HDAC4: variants seen among roughly 807,000 people sequenced by gnomAD.
The protein encoded by HDAC4 is histone deacetylase A.
A neutral mutation model predicts 135.1 loss-of-function variants in HDAC4; 16 were observed. That is an observed-to-expected ratio of 0.12 (90% CI 0.08 to 0.18). The LOEUF (loss-of-function observed/expected upper bound fraction) is 0.18, where lower values mean the gene tolerates loss of function less well. HDAC4 is among the 10% of genes least tolerant of loss of function. The probability of loss-of-function intolerance (pLI) is 1.00; values close to 1 mark genes in which losing one functional copy is unlikely to be tolerated. For missense variants in HDAC4, 1,143 were observed against 1,511.8 expected, an observed-to-expected ratio of 0.76 and a Z score of 4.05; for synonymous variants, 685 against 653.4, an observed-to-expected ratio of 1.05 and a Z score of -0.74.
chr2:239,139,271 C>CT lies in HDAC4; in HGVS notation c.978+412dup, dbSNP rs2041184430. Among the ~76,000 whole-genome samples, 1 of 152,210 alleles carries CT rather than the reference C, an allele frequency of 6.6e-6. No individual in the cohort carries two copies. The highest frequency in any genetic ancestry group is 6.5e-5 in the Admixed American group (1 of 15,284). On this transcript the variant is annotated intron_variant, in intron 9 of 26. Transcript: ENST00000543185. This position sits in a 1 kb window ranked among gnomAD's most constrained non-coding sequence, Gnocchi z 5.3. Reference sequence around the variant, plus strand: ...AAAAATGTTAAGTCTCACTTAGCAACTATACCCACGTGCCCACGGCCTCTC... The same window carrying CT: ...AAAAATGTTAAGTCTCACTTAGCAACTTATACCCACGTGCCCACGGCCTCTC...
rs1329463653 is a variant in HDAC4 at position 239,066,779 on chromosome 2, G to T, written c.2946C>A (p.Asp982Glu). Residue 982 changes from aspartate to glutamate, a missense_variant, in exon 24 of 27, where the codon GAC becomes GAA. Asp to Glu is a conservative substitution (Grantham distance 45, BLOSUM62 2). Coordinates refer to ENST00000543185, the MANE Select transcript of HDAC4 (RefSeq NM_001378414.1). ...RIVLALEGGH[D>E]LTAICDASEA... The stretch of plus-strand genomic sequence containing the variant: ...CCGAGGCGTCGCAAATGGCGGTCAG[G>T]TCGTGGCCTCCCTCGAGGGCCAGGA... The T allele has an allele frequency of 6.2e-7, 1 of 1,613,882 alleles. No homozygotes were observed. Among genetic ancestry groups the T allele is most frequent in the Admixed American group, 1.7e-5 (1 of 60,032 alleles).
chr2:239,098,539 G>A (rs2037324508), intron 16 of HDAC4, among the ~76,000 whole-genome samples: 1 of 152,266 alleles, frequency 6.6e-6, no homozygotes. Flanking sequence ...GCTGACATGA[G>A]CAGATGAGCC....
At chr2:239,178,545 G>C (rs1034806410) in intron 4 of HDAC4, among the ~76,000 whole-genome samples, 1 of 152,142 alleles carries the variant, frequency 6.6e-6, no homozygotes, top group Non-Finnish European at 1.5e-5. Context: ...ACTGCACCCA[G>C]ATACGTTTTC....
chr2:239,145,613 C>T (rs1575181488), intron 7 of HDAC4, among the ~76,000 whole-genome samples: 1 of 152,344 alleles, frequency 6.6e-6, no homozygotes, highest in East Asian at 1.9e-4. Flanking sequence ...AAGAATACCG[C>T]CACGGAGACG....
At chr2:239,330,810 T>C (rs1418276457) in intron 2 of HDAC4, among the ~76,000 whole-genome samples, 2 of 152,248 alleles carry the variant, frequency 1.3e-5, no homozygotes, top group Non-Finnish European at 2.9e-5. Flanking sequence ...TGAGCAATTA[T>C]ACTGAATAAA....
At chr2:239,327,888 CTGGACAGTCTT>C (rs148159948) in intron 2 of HDAC4, among the ~76,000 whole-genome samples, 2,969 of 152,346 alleles carry the variant, frequency 0.019, 95 homozygotes, top group African/African-American at 0.068. Flanking sequence ...TGGACAGTCT[CTGGACAGTCTT>C]CCTTCCCATG....
intron 18 of HDAC4, 54 bp downstream of exon 18, chr2:239,089,955 G>T: frequency 1.5e-6 from 2 of 1,330,482 alleles, no homozygotes; most frequent in Non-Finnish European, 2.2e-6. Flanking sequence ...TCCCCACACT[G>T]GGAATCTATG....
At chr2:239,380,315 A>G (rs1218766028) in intron 1 of HDAC4, among the ~76,000 whole-genome samples, 1 of 149,602 alleles carries the variant, frequency 6.7e-6, no homozygotes, top group African/African-American at 2.5e-5. Context: ...TAATTCATGT[A>G]TTTAATGTAC....
At chr2:239,087,981 G>A (rs769761375) in intron 18 of HDAC4, among the ~76,000 whole-genome samples, 2 of 152,170 alleles carry the variant, frequency 1.3e-5, no homozygotes, top group Non-Finnish European at 2.9e-5. Context: ...ACCAGGACCC[G>A]CTAGGTGGCC....
intron 2 of HDAC4, among the ~76,000 whole-genome samples, chr2:239,254,200 C>T (rs553834028): frequency 1.3e-5 from 2 of 152,256 alleles, no homozygotes; most frequent in South Asian, 4.2e-4. Flanking sequence ...CTTAGGGCTA[C>T]ACCCACAATC....
At chr2:239,108,749 A>G (rs1057271014) in intron 14 of HDAC4, among the ~76,000 whole-genome samples, 9 of 152,238 alleles carry the variant, frequency 5.9e-5, no homozygotes, top group African/African-American at 2.2e-4. Context: ...CATATGCTAG[A>G]AAACACACGC....
intron 1 of HDAC4, among the ~76,000 whole-genome samples, chr2:239,358,950 T>C (rs1365982560): frequency 6.6e-6 from 1 of 152,234 alleles, no homozygotes; most frequent in Non-Finnish European, 1.5e-5. Context: ...AGTGCATTTG[T>C]AAGAGAGTTA....
intron 12 of HDAC4, among the ~76,000 whole-genome samples, chr2:239,116,992 C>A (rs908693347): frequency 6.6e-6 from 1 of 152,220 alleles, no homozygotes; most frequent in Non-Finnish European, 1.5e-5. Context: ...ATCTTTCCTG[C>A]AGTCTGCAGT....
At chr2:239,112,405 C>T (rs927766657) in intron 13 of HDAC4, among the ~76,000 whole-genome samples, 1 of 152,222 alleles carries the variant, frequency 6.6e-6, no homozygotes, top group African/African-American at 2.4e-5. Context: ...CGCTCCCCTC[C>T]CTGGTCTCAC....
At chr2:239,142,273 G>A (rs549694286) in intron 8 of HDAC4, among the ~76,000 whole-genome samples, 9 of 152,110 alleles carry the variant, frequency 5.9e-5, no homozygotes, top group Non-Finnish European at 1.2e-4. Flanking sequence ...TGCCTCCACC[G>A]CTCCATATGG....
At chr2:239,259,797 T>G (rs1305336971) in intron 2 of HDAC4, among the ~76,000 whole-genome samples, 1 of 152,224 alleles carries the variant, frequency 6.6e-6, no homozygotes, top group Admixed American at 6.5e-5. Flanking sequence ...GAGTTTCTTC[T>G]CAGCCCAGAG....
chr2:239,210,602 C>T (rs1413405237), intron 3 of HDAC4, among the ~76,000 whole-genome samples: 1 of 152,170 alleles, frequency 6.6e-6, no homozygotes, highest in Non-Finnish European at 1.5e-5. Context: ...CCTGCTTAAA[C>T]CAGCACAGGG....
Position 239,400,640 on chromosome 2 carries a change from G to A in HDAC4, c.-220+338C>T, listed in dbSNP as rs1377522287. The A allele has an allele frequency of 1.4e-5, 2 of 146,954 alleles. No homozygotes were observed. The highest frequency in any genetic ancestry group is 1.8e-4 in the South Asian group (1 of 5,432). The allele number at this position is 146,954 out of a possible 1,614,324, so 9.1% of individuals were successfully genotyped here. A position where few individuals can be genotyped will look rare whatever the true frequency, so the allele number is the denominator to read the frequency against. ...AAGGCCTGCAGGCTGCGCGGGGCGC[G>A]GGGCGGGCGGCGGACAATGGCCCGC... On this transcript the variant is annotated intron_variant, in intron 1 of 26. Transcript: ENST00000543185. This position sits in a 1 kb window ranked among gnomAD's most constrained non-coding sequence, Gnocchi z 4.7.
At chr2:239,279,919 G>A (rs771215925) in intron 2 of HDAC4, among the ~76,000 whole-genome samples, 7 of 152,180 alleles carry the variant, frequency 4.6e-5, no homozygotes, top group South Asian at 2.1e-4. Context: ...CCTGTCTGAC[G>A]TTTCCCTCCC....
Sources: allele counts gnomAD v4.1 joint callset (sites outside exome capture counted in the v4.1 genomes callset), GRCh38; gene constraint gnomAD v4.1.1; non-coding constraint Gnocchi (gnomAD v3.1); transcripts MANE v1.5; gene names NCBI Gene and HGNC (gene_info 2026-07-23, HGNC 2026-07-21).